The following CFAP54 variants were observed in gnomAD, a reference collection of about 807,000 sequenced individuals.
The protein encoded by CFAP54 is cilia- and flagella-associated protein 54.
In CFAP54, 290 loss-of-function variants were observed where a neutral mutation model predicts 370.4. The ratio of observed to expected loss-of-function variants is 0.78; its 90% CI spans 0.71 to 0.86. The LOEUF (loss-of-function observed/expected upper bound fraction) is 0.86, where lower values mean the gene tolerates loss of function less well. CFAP54 is among the 40% of genes least tolerant of loss of function. The pLI is 0.00. For synonymous variants in CFAP54, 1,206 were observed against 1,236.5 expected (o/e 0.98, Z 0.52); for missense variants, 3,399 against 3,528.7 (o/e 0.96, Z 0.93).
chr12:96,664,755 CTATATATA>C (rs1163944647), intron 39 of CFAP54, among the ~76,000 whole-genome samples: 2 of 78,774 alleles, frequency 2.5e-5, no homozygotes, highest in African/African-American at 1.1e-4. Flanking sequence ...ATATATATAT[CTATATATA>C]TCTATATCTA....
chr12:96,495,476 G>A (rs138072176), intron 1 of CFAP54, among the ~76,000 whole-genome samples: 3,308 of 140,992 alleles, frequency 0.023, 77 homozygotes, highest in South Asian at 0.13. Context: ...CACCACGCCC[G>A]GCTAATTTTT....
At chr12:96,553,367 T>C (rs1401490275) in intron 15 of CFAP54, among the ~76,000 whole-genome samples, 1 of 151,888 alleles carries the variant, frequency 6.6e-6, no homozygotes, top group Non-Finnish European at 1.5e-5. Flanking sequence ...TAAGGATACA[T>C]ACACATGTAG....
chr12:96,564,530 T>A lies in CFAP54; in HGVS notation c.2473T>A (p.Ser825Thr), dbSNP rs1955846336. 1 of 698,742 alleles carries A rather than the reference T, an allele frequency of 1.4e-6. No individual in the cohort carries two copies. Among genetic ancestry groups the A allele is most frequent in the African/African-American group, 1.7e-5 (1 of 57,280 alleles). 43.3% of individuals were successfully genotyped at this position (698,742 alleles called of 1,614,324 possible). Residue 825 changes from serine (S) to threonine (T), a missense_variant, in exon 18 of 68, where the codon TCT becomes ACT. By Grantham distance (58) the Ser-to-Thr change is moderately conservative. Coordinates refer to ENST00000524981, the MANE Select transcript of CFAP54 (RefSeq NM_001306084.2). ...STKGPEKLKQ[S>T]GSTDCFTELN... ...CAAGGGTCCGGAAAAGTTAAAACAA[T>A]CTGGAAGCACTGATTGTTTTACAGG...
At chr12:96,697,758 A>G (rs937202406) in intron 45 of CFAP54, among the ~76,000 whole-genome samples, 1 of 152,186 alleles carries the variant, frequency 6.6e-6, no homozygotes, top group Non-Finnish European at 1.5e-5. Flanking sequence ...TCTATTCTCT[A>G]CAAAGTCACT....
intron 55 of CFAP54, among the ~76,000 whole-genome samples, chr12:96,746,819 C>T (rs1297467304): frequency 6.6e-6 from 1 of 152,142 alleles, no homozygotes; most frequent in Non-Finnish European, 1.5e-5. Flanking sequence ...AATCCCATTC[C>T]TACCATATCA....
chr12:96,613,269 A>G (rs1213060738), intron 26 of CFAP54, among the ~76,000 whole-genome samples: 2 of 152,226 alleles, frequency 1.3e-5, no homozygotes, highest in Non-Finnish European at 2.9e-5. Flanking sequence ...CTGAATGACT[A>G]CTGGGTACAT....
At chr12:96,871,333 G>A (rs1434691851) in intron 67 of CFAP54, among the ~76,000 whole-genome samples, 1 of 152,156 alleles carries the variant, frequency 6.6e-6, no homozygotes, top group Non-Finnish European at 1.5e-5. Flanking sequence ...CCCTAGGAGG[G>A]AAATACCTTA....
chr12:96,838,031 C>T (rs919905589), intron 66 of CFAP54, among the ~76,000 whole-genome samples: 1 of 152,144 alleles, frequency 6.6e-6, no homozygotes, highest in African/African-American at 2.4e-5. Context: ...TTAGTGGGTG[C>T]TCTTATGGCC....
intron 64 of CFAP54, among the ~76,000 whole-genome samples, chr12:96,814,025 G>T (rs568070237): frequency 5.4e-4 from 82 of 152,288 alleles, no homozygotes; most frequent in African/African-American, 1.9e-3. Flanking sequence ...TTTGCATGAG[G>T]ACTCAGCCTG....
intron 22 of CFAP54, among the ~76,000 whole-genome samples, chr12:96,585,349 T>G (rs1019167441): frequency 6.6e-6 from 1 of 151,938 alleles, no homozygotes; most frequent in Non-Finnish European, 1.5e-5. Flanking sequence ...TTAGAAGAGA[T>G]AGGATTTCAT....
chr12:96,542,140 G>A (rs1592841728), intron 14 of CFAP54, among the ~76,000 whole-genome samples: 1 of 152,296 alleles, frequency 6.6e-6, no homozygotes, highest in East Asian at 1.9e-4. Flanking sequence ...TCGTAATAAA[G>A]TTACTCTTTA....
intron 19 of CFAP54, among the ~76,000 whole-genome samples, chr12:96,571,691 G>A (rs1955919217): frequency 1.3e-5 from 2 of 152,248 alleles, no homozygotes; most frequent in South Asian, 4.1e-4. Context: ...TGACTAAGTA[G>A]TATTGGTTTC....
At chr12:96,539,245 G>C (rs907284441) in intron 13 of CFAP54, among the ~76,000 whole-genome samples, 2 of 150,662 alleles carry the variant, frequency 1.3e-5, no homozygotes, top group East Asian at 4.1e-4. Flanking sequence ...ATTTTTAGTA[G>C]AGATGGGGTT....
At chr12:96,605,512 G>A (rs916046711) in intron 26 of CFAP54, among the ~76,000 whole-genome samples, 2 of 152,202 alleles carry the variant, frequency 1.3e-5, no homozygotes, top group South Asian at 2.1e-4. Context: ...AATTCAGACT[G>A]TGCCAGTCAA....
At position 96,720,463 on chromosome 12, in the gene CFAP54, A is replaced by T. The variant is rs149249815; in HGVS notation, c.6863A>T (p.Gln2288Leu). 41 of 1,604,526 alleles carry T rather than the reference A, an allele frequency of 2.6e-5. No individual in the cohort carries two copies. The highest frequency in any genetic ancestry group is 3.4e-5 in the Non-Finnish European group (40 of 1,175,162). Residue 2288 changes from glutamine (Q) to leucine (L), a missense_variant, in exon 50 of 68, where the codon CAG becomes CTG. Physicochemically the swap from Gln to Leu is moderately radical, Grantham distance 113. Around this residue, in one of 3 missense-constraint regions of CFAP54, gnomAD observed 2,796 missense variants for 2,869.7 expected, o/e 0.97. Transcript: ENST00000524981. ...RLNFLLSEVE[Q>L]KTLSQCSAGE... ...AACTTCCTTCTGTCCGAGGTGGAAC[A>T]GAAGACCCTGTCTCAGTGCTCCGCT...
chr12:96,685,278 G>A (rs1957315368), intron 42 of CFAP54, 40 bp downstream of exon 42: 1 of 1,587,822 alleles, frequency 6.3e-7, no homozygotes, highest in Non-Finnish European at 8.6e-7. Context: ...CTAGCTAACA[G>A]CTTCCTTGTG....
intron 25 of CFAP54, among the ~76,000 whole-genome samples, chr12:96,597,452 A>G (rs1357534545): frequency 6.6e-6 from 1 of 151,966 alleles, no homozygotes; most frequent in Non-Finnish European, 1.5e-5. Flanking sequence ...CTGAGCATGT[A>G]AAAGGGTATT....
chr12:96,791,472 A>G (rs919342426), intron 62 of CFAP54, among the ~76,000 whole-genome samples: 1 of 152,160 alleles, frequency 6.6e-6, no homozygotes, highest in African/African-American at 2.4e-5. Flanking sequence ...AAAGTTGCAT[A>G]AAAGAAGCTG....
chr12:96,650,014 C>A lies in CFAP54; in HGVS notation c.4814C>A (p.Ala1605Glu), dbSNP rs778407080. ...GSSAKEKDRG[A>E]NLCVMDHFMK... ...AGTGCTAAAGAAAAGGACCGAGGAG[C>A]AAATTTGTGTGTAATGGATCATTTT... Residue 1605 changes from alanine (A) to glutamate (E), a missense_variant, in exon 35 of 68, where the codon GCA becomes GAA. By Grantham distance (107) the Ala-to-Glu change is moderately radical. This residue lies in a region of CFAP54 where 2,796 missense variants were observed against 2,869.7 expected (regional missense o/e 0.97). Transcript: ENST00000524981. 6.2e-7 allele frequency: 1 copy of A among 1,613,676 alleles called. No homozygotes were observed. The highest frequency in any genetic ancestry group is 1.3e-5 in the African/African-American group (1 of 75,006).
Sources: gnomAD v4.1 joint callset for allele counts (sites outside exome capture counted in the v4.1 genomes callset) on GRCh38, gnomAD v4.1.1 for gene constraint, gnomAD v4.1.1 regional missense constraint, MANE v1.5 for transcripts, NCBI Gene and HGNC (gene_info 2026-07-23, HGNC 2026-07-21) for gene names.